FANCC: variants seen among roughly 807,000 people sequenced by gnomAD.
FANCC encodes the protein Fanconi anemia group C protein.
FANCC carries 55 observed loss-of-function variants against 71.3 expected under a neutral mutation model. That is an observed-to-expected ratio of 0.77 (90% CI 0.62 to 0.97). The LOEUF is 0.97. Among genes scored for constraint, FANCC ranks in the 50% least tolerant of loss-of-function variants. The pLI is 0.00. For missense variants in FANCC, 678 were observed against 670.9 expected (o/e 1.01, Z -0.12); for synonymous variants, 275 against 244.9 (o/e 1.12, Z -1.15).
intron 1 of FANCC, among the ~76,000 whole-genome samples, chr9:95,282,340 T>G (rs1833428823): frequency 6.6e-6 from 1 of 152,124 alleles, no homozygotes; most frequent in Admixed American, 6.5e-5. Context: ...ATAATGGGGT[T>G]GGTCAATTCA....
At chr9:95,130,025 G>A (rs1049152929) in intron 8 of FANCC, among the ~76,000 whole-genome samples, 2 of 152,084 alleles carry the variant, frequency 1.3e-5, no homozygotes, top group Non-Finnish European at 2.9e-5. Flanking sequence ...AAGTCAACAT[G>A]GAATCAACAC....
rs1261963605 is a variant in FANCC, at chr9:95,150,051, AACTCGTGACAGGGACGCC to A, written c.540_557del (p.Ala181_Val186del). 6.2e-7 allele frequency: 1 copy of A among 1,614,142 alleles called. No individual in the cohort carries two copies. The highest frequency in any genetic ancestry group is 2.2e-5 in the East Asian group (1 of 44,878). ...CTGTCAGGGTAATAAGTGGGACACA[AACTCGTGACAGGGACGCC>A]ACTCGCTCGGGAGCCATTCTATGGA... On this transcript the variant is annotated inframe_deletion, in exon 7 of 15. Coordinates refer to ENST00000289081, the MANE Select transcript of FANCC (RefSeq NM_000136.3).
At chr9:95,225,628 T>A in intron 4 of FANCC, among the ~76,000 whole-genome samples, 1 of 152,212 alleles carries the variant, frequency 6.6e-6, no homozygotes, top group East Asian at 1.9e-4. Flanking sequence ...ACCATAAACA[T>A]CCTGTTCCTA....
At chr9:95,291,169 C>T (rs930734969) in intron 1 of FANCC, among the ~76,000 whole-genome samples, 1 of 152,120 alleles carries the variant, frequency 6.6e-6, no homozygotes, top group Non-Finnish European at 1.5e-5. Flanking sequence ...AGGAACAATA[C>T]AACGAGGTCC....
intron 4 of FANCC, among the ~76,000 whole-genome samples, chr9:95,240,395 A>T (rs1301985930): frequency 6.6e-6 from 1 of 152,224 alleles, no homozygotes; most frequent in African/African-American, 2.4e-5. Context: ...ACCTGAAAGA[A>T]ACTTTTCAAA....
intron 1 of FANCC, among the ~76,000 whole-genome samples, chr9:95,304,289 G>T (rs1182141977): frequency 6.6e-6 from 1 of 152,072 alleles, no homozygotes; most frequent in East Asian, 1.9e-4. Context: ...AGGAGAGAAG[G>T]ATGAATGACA....
At chr9:95,283,241 C>T (rs1354292717) in intron 1 of FANCC, among the ~76,000 whole-genome samples, 1 of 152,172 alleles carries the variant, frequency 6.6e-6, no homozygotes, top group African/African-American at 2.4e-5. Flanking sequence ...GTCACCACAC[C>T]CAGCTGGACT....
At chr9:95,125,598 G>C (rs532013214) in intron 9 of FANCC, among the ~76,000 whole-genome samples, 17 of 152,228 alleles carry the variant, frequency 1.1e-4, no homozygotes, top group Non-Finnish European at 2.2e-4. Flanking sequence ...TGTGTACCTG[G>C]TTTCGCTTCC....
Position 95,100,038 on chromosome 9 carries a change from C to A in FANCC, c.*1669G>T. 4.3e-6 allele frequency: 1 copy of A among 232,304 alleles called. No individual in the cohort carries two copies. The highest frequency in any genetic ancestry group is 6.1e-5 in the East Asian group (1 of 16,466). The allele number at this position is 232,304 out of a possible 1,614,324, so 14.4% of individuals were successfully genotyped here. A position where few individuals can be genotyped will look rare whatever the true frequency, so the allele number is the denominator to read the frequency against. The stretch of plus-strand genomic sequence containing the variant: ...GGGTTCCCTGCTGCCACCATGTCCA[C>A]AGAGGAGTCACAGCTTCCATGGCCC... On this transcript the variant is annotated 3_prime_UTR_variant, in exon 15 of 15. Transcript: ENST00000289081.
At chr9:95,126,490 T>C (rs371966073) in intron 9 of FANCC, 39 bp downstream of exon 9, 3 of 1,592,198 alleles carry the variant, frequency 1.9e-6, no homozygotes, top group Non-Finnish European at 2.6e-6. Flanking sequence ...ATGGAACCTT[T>C]TTTACATCAA....
At chr9:95,278,843 AAAG>A (rs1833204353) in intron 1 of FANCC, among the ~76,000 whole-genome samples, 1 of 145,554 alleles carries the variant, frequency 6.9e-6, no homozygotes, top group Non-Finnish European at 1.5e-5. Flanking sequence ...AAAAATTCAA[AAAG>A]AATAGTGAAA....
At chr9:95,268,627 T>C (rs1034511894) in intron 1 of FANCC, among the ~76,000 whole-genome samples, 5 of 152,168 alleles carry the variant, frequency 3.3e-5, no homozygotes, top group African/African-American at 4.8e-5. Flanking sequence ...AATAACAATA[T>C]AAAAAATCTT....
At chr9:95,217,842 G>C (rs1828969936) in intron 4 of FANCC, among the ~76,000 whole-genome samples, 1 of 152,060 alleles carries the variant, frequency 6.6e-6, no homozygotes, top group Admixed American at 6.5e-5. Flanking sequence ...AATTTAATTT[G>C]TTAAACCGTT....
intron 1 of FANCC, among the ~76,000 whole-genome samples, chr9:95,306,669 C>A (rs1033366966): frequency 1.3e-5 from 2 of 152,094 alleles, no homozygotes; most frequent in Non-Finnish European, 2.9e-5. Flanking sequence ...TTTGGGTAAC[C>A]AGAAATACCC....
chr9:95,245,848 G>C (rs995317618), intron 3 of FANCC, among the ~76,000 whole-genome samples: 3 of 150,200 alleles, frequency 2.0e-5, no homozygotes, highest in Non-Finnish European at 4.4e-5. Context: ...GGTGAGCCGA[G>C]ATAGTGCCAT....
intron 4 of FANCC, among the ~76,000 whole-genome samples, chr9:95,202,538 A>C (rs1332268177): frequency 1.3e-5 from 2 of 152,248 alleles, no homozygotes; most frequent in African/African-American, 2.4e-5. Flanking sequence ...CTTGCCATAA[A>C]TTGCCAACAA....
chr9:95,281,591 GAAAGTAT>G (rs1833387668), intron 1 of FANCC, among the ~76,000 whole-genome samples: 1 of 152,012 alleles, frequency 6.6e-6, no homozygotes, highest in Admixed American at 6.6e-5. Flanking sequence ...AAAAACATCT[GAAAGTAT>G]ATAACTCACT....
At position 95,101,223 on chromosome 9, in the gene FANCC, T is replaced by C. The variant is rs138260241; in HGVS notation, c.*484A>G. 1.0e-3 allele frequency: 266 copies of C among 256,308 alleles called. 2 individuals carry two copies. The highest frequency in any genetic ancestry group is 5.4e-3 in the African/African-American group (247 of 45,950). The allele number at this position is 256,308 out of a possible 1,614,324, so 15.9% of individuals were successfully genotyped here. ...AGGGACCCTGACTCCCCTTGAAGAATTTCTCCATACAGCAAGACAGTGTGG... is the reference window on the plus strand; with the variant it reads ...AGGGACCCTGACTCCCCTTGAAGAACTTCTCCATACAGCAAGACAGTGTGG... On this transcript the variant is annotated 3_prime_UTR_variant, in exon 15 of 15. Transcript: ENST00000289081.
chr9:95,179,822 T>C (rs993405293), intron 4 of FANCC, among the ~76,000 whole-genome samples: 3 of 152,234 alleles, frequency 2.0e-5, no homozygotes, highest in Non-Finnish European at 1.5e-5. Flanking sequence ...TGATGAGTAG[T>C]TGTTGAGGCT....
Sources: gnomAD v4.1 joint callset for allele counts (sites outside exome capture counted in the v4.1 genomes callset) on GRCh38, gnomAD v4.1.1 for gene constraint, MANE v1.5 for transcripts, NCBI Gene and HGNC (gene_info 2026-07-23, HGNC 2026-07-21) for gene names.